MAP7: variants seen among roughly 807,000 people sequenced by gnomAD.
The protein encoded by MAP7 is ensconsin.
A neutral mutation model predicts 94.8 loss-of-function variants in MAP7; 52 were observed. That is an observed-to-expected ratio of 0.55 (90% CI 0.44 to 0.69). The LOEUF is 0.69. Among genes scored for constraint, MAP7 ranks in the 30% least tolerant of loss-of-function variants. The pLI is 0.00. For synonymous variants in MAP7, 350 were observed against 357.0 expected, an observed-to-expected ratio of 0.98 and a Z score of 0.22; for missense variants, 940 against 964.6, an observed-to-expected ratio of 0.97 and a Z score of 0.34.
intron 1 of MAP7, among the ~76,000 whole-genome samples, chr6:136,507,943 T>C (rs147547081): frequency 6.6e-6 from 1 of 152,332 alleles, no homozygotes; most frequent in East Asian, 1.9e-4. Context: ...CCCTCAATTC[T>C]ACAAATTCTT....
intron 1 of MAP7, among the ~76,000 whole-genome samples, chr6:136,465,672 C>A (rs568610490): frequency 6.6e-6 from 1 of 152,252 alleles, no homozygotes; most frequent in South Asian, 2.1e-4. Flanking sequence ...AATCACAGAA[C>A]TAGTAAATGT....
At chr6:136,413,107 A>G (rs1788021689) in intron 2 of MAP7, among the ~76,000 whole-genome samples, 1 of 152,174 alleles carries the variant, frequency 6.6e-6, no homozygotes, top group African/African-American at 2.4e-5. Flanking sequence ...AGATGCAGGG[A>G]GCCAAGATCG....
chr6:136,496,102 T>G (rs530432547), intron 1 of MAP7, among the ~76,000 whole-genome samples: 5 of 152,172 alleles, frequency 3.3e-5, no homozygotes, highest in Middle Eastern at 3.2e-3. Flanking sequence ...ATACTTCTTT[T>G]GTCATATGAA....
chr6:136,477,931 C>G (rs1811464507), intron 1 of MAP7, among the ~76,000 whole-genome samples: 1 of 152,072 alleles, frequency 6.6e-6, no homozygotes, highest in African/African-American at 2.4e-5. Context: ...TTTTAAAATT[C>G]AAAAATAATT....
rs545380697 is a variant in MAP7 at position 136,502,638 on chromosome 6, G to A, written c.67+47704C>T. ...CCCTGGGAAATGTCCAAAATTTGGG[G>A]AGCGATATTTTGTAGGGGCTGATGG... On this transcript the variant is annotated intron_variant, in intron 1 of 17. Coordinates refer to ENST00000354570, the MANE Select transcript of MAP7 (RefSeq NM_003980.6). Among the ~76,000 whole-genome samples, 7 of 152,316 alleles carry A rather than the reference G, an allele frequency of 4.6e-5. 1 individual carries two copies. In the South Asian group the frequency reaches 1.5e-3, roughly 32 times the overall value.
chr6:136,413,812 A>G (rs1028968092), intron 2 of MAP7, among the ~76,000 whole-genome samples: 2 of 152,156 alleles, frequency 1.3e-5, no homozygotes, highest in South Asian at 2.1e-4. Context: ...GGATTTTGCT[A>G]TGTTGCCCAG....
intron 3 of MAP7, among the ~76,000 whole-genome samples, chr6:136,398,444 G>A (rs894407076): frequency 3.3e-5 from 5 of 152,170 alleles, no homozygotes; most frequent in East Asian, 1.9e-4. Flanking sequence ...CTATTGCCAC[G>A]TAGAGTGATA....
chr6:136,354,403 T>G (rs1790229421), intron 16 of MAP7, among the ~76,000 whole-genome samples: 1 of 143,978 alleles, frequency 6.9e-6, no homozygotes, highest in Non-Finnish European at 1.5e-5. Flanking sequence ...TATATATATA[T>G]AGTAGATATA....
At chr6:136,363,934 G>A (rs1353023799) in intron 10 of MAP7, among the ~76,000 whole-genome samples, 1 of 152,210 alleles carries the variant, frequency 6.6e-6, no homozygotes, top group East Asian at 1.9e-4. Flanking sequence ...TAGTAAGTCT[G>A]AGGTAAAAAC....
At chr6:136,456,767 G>GGAGGAAGAAGAAGAAGAAGAAGAAGAA (rs1179338276) in intron 1 of MAP7, among the ~76,000 whole-genome samples, 7 of 60,590 alleles carry the variant, frequency 1.2e-4, no homozygotes, top group East Asian at 5.2e-4. Flanking sequence ...AGGAGGAGGA[G>GGAGGAAGAAGAAGAAGAAGAAGAAGAA]GAAGAAGAAG....
chr6:136,435,792 A>C (rs951160170), intron 1 of MAP7, among the ~76,000 whole-genome samples: 11 of 152,280 alleles, frequency 7.2e-5, no homozygotes, highest in South Asian at 6.2e-4. Flanking sequence ...AAGCAAGAAA[A>C]CCTGCTTTAG....
At chr6:136,417,362 G>A (rs1296241284) in intron 2 of MAP7, among the ~76,000 whole-genome samples, 1 of 152,174 alleles carries the variant, frequency 6.6e-6, no homozygotes, top group Non-Finnish European at 1.5e-5. Flanking sequence ...TTCTCTGTTT[G>A]ATAACATGCA....
At chr6:136,470,281 G>A (rs1454143045) in intron 1 of MAP7, among the ~76,000 whole-genome samples, 1 of 151,862 alleles carries the variant, frequency 6.6e-6, no homozygotes, top group African/African-American at 2.4e-5. Context: ...ATTCCATGAG[G>A]TTATGAAATA....
At chr6:136,474,351 G>A (rs1175372357) in intron 1 of MAP7, among the ~76,000 whole-genome samples, 1 of 152,204 alleles carries the variant, frequency 6.6e-6, no homozygotes, top group Non-Finnish European at 1.5e-5. Flanking sequence ...AAGTCAGGGT[G>A]TACACGGCAG....
intron 1 of MAP7, among the ~76,000 whole-genome samples, chr6:136,537,315 G>C (rs1355154443): frequency 6.6e-6 from 1 of 152,166 alleles, no homozygotes; most frequent in African/African-American, 2.4e-5. Flanking sequence ...GCTCTTCCCT[G>C]TGAGGCCTCA....
At chr6:136,420,061 T>C in intron 2 of MAP7, 1 of 840,882 alleles carries the variant, frequency 1.2e-6, no homozygotes, top group Non-Finnish European at 2.1e-6. Flanking sequence ...CTGAGCTCGA[T>C]TAATTACAAT....
intron 1 of MAP7, among the ~76,000 whole-genome samples, chr6:136,513,111 C>T (rs1179023780): frequency 6.6e-6 from 1 of 152,324 alleles, no homozygotes; most frequent in East Asian, 1.9e-4. Context: ...TCTCAAAGCA[C>T]TGGGATTATA....
Position 136,434,322 on chromosome 6 carries a change from A to G in MAP7, c.68-12523T>C, listed in dbSNP as rs200846653. ...ACTCCGTCTCAAAAAAAAAAAAAAA[A>G]AAAGAACTCAAACTTCTAGTGACTT... On this transcript the variant is annotated intron_variant, in intron 1 of 17. Coordinates refer to ENST00000354570, the MANE Select transcript of MAP7 (RefSeq NM_003980.6). Among the ~76,000 whole-genome samples, 6 of 151,976 alleles carry G rather than the reference A, an allele frequency of 3.9e-5. No individual in the cohort carries two copies. The East Asian group carries it at 1.2e-3, about 29-fold the overall frequency.
intron 6 of MAP7, among the ~76,000 whole-genome samples, chr6:136,380,195 C>G (rs1386678715): frequency 6.6e-6 from 1 of 152,268 alleles, no homozygotes; most frequent in African/African-American, 2.4e-5. Context: ...ACTCAAAGGC[C>G]TCTGGGGGCC....
Sources: allele counts gnomAD v4.1 joint callset (sites outside exome capture counted in the v4.1 genomes callset), GRCh38; gene constraint gnomAD v4.1.1; transcripts MANE v1.5; gene names NCBI Gene and HGNC (gene_info 2026-07-23, HGNC 2026-07-21).